ANO1: variants seen among roughly 807,000 people sequenced by gnomAD.
The protein encoded by ANO1 is anoctamin-1.
ANO1 carries 59 observed loss-of-function variants against 124.0 expected under a neutral mutation model. That is an observed-to-expected ratio of 0.48 (90% CI 0.39 to 0.59). ANO1 has a LOEUF of 0.59. Ranked by LOEUF, ANO1 falls within the 20% of genes least tolerant of loss-of-function variation. The pLI is 0.00. For missense variants in ANO1, 1,059 were observed against 1,328.0 expected, an observed-to-expected ratio of 0.80 and a Z score of 3.15; for synonymous variants, 529 against 532.0, an observed-to-expected ratio of 0.99 and a Z score of 0.08.
chr11:70,017,889 C>A (rs542450233), intron 1 of ANO1, among the ~76,000 whole-genome samples: 2 of 152,102 alleles, frequency 1.3e-5, no homozygotes, highest in African/African-American at 4.8e-5. Context: ...GGCTCATGGG[C>A]AGGTTCTAGC....
the ANO1 span, among the ~76,000 whole-genome samples, chr11:69,979,700 A>T: frequency 6.6e-6 from 1 of 152,114 alleles, no homozygotes; most frequent in Non-Finnish European, 1.5e-5. Flanking sequence ...TTTCCTCCAA[A>T]TGCAGCAGCC....
At chr11:70,056,219 C>G (rs1857432522) in intron 1 of ANO1, 1 of 151,948 alleles carries the variant, frequency 6.6e-6, no homozygotes, top group Non-Finnish European at 1.5e-5. Flanking sequence ...AATGAATTCT[C>G]TTAGTTTCTG....
intron 24 of ANO1, among the ~76,000 whole-genome samples, chr11:70,184,787 C>T (rs753172961): frequency 6.6e-6 from 1 of 152,124 alleles, no homozygotes; most frequent in Non-Finnish European, 1.5e-5. Flanking sequence ...CACTTTGTGG[C>T]CCAGGCTGAA....
At chr11:70,031,853 C>T (rs1857007124) in intron 1 of ANO1, among the ~76,000 whole-genome samples, 1 of 152,224 alleles carries the variant, frequency 6.6e-6, no homozygotes, top group Admixed American at 6.5e-5. Context: ...AGCAAGCCTC[C>T]TCTGGCATCA....
chr11:70,122,486 G>A (rs1202387388), intron 8 of ANO1, among the ~76,000 whole-genome samples: 2 of 119,696 alleles, frequency 1.7e-5, no homozygotes, highest in African/African-American at 3.4e-5. Context: ...ATCTGCCTCT[G>A]TCTCTGTCTC....
In ANO1 at chr11:70,185,362, G is replaced by A. The variant is rs769908221; in HGVS notation, c.2589-228G>A. Among the ~76,000 whole-genome samples the A allele has an allele frequency of 8.5e-5, 13 of 152,300 alleles. 1 individual carries two copies. In the South Asian group the frequency reaches 1.2e-3, roughly 15 times the overall value. ...GCCACATGTGTTTTACATGAAGCCC[G>A]TCAGGTCCTGCCTGGCCCATGGGGG... On this transcript the variant is annotated intron_variant, in intron 24 of 25. Transcript: ENST00000355303.
intron 22 of ANO1, among the ~76,000 whole-genome samples, chr11:70,174,920 A>AAAGAAAAGAAAAGAAAAG (rs142021717): frequency 2.0e-5 from 3 of 149,818 alleles, no homozygotes; most frequent in Non-Finnish European, 3.0e-5. Context: ...AAAGAAAAGA[A>AAAGAAAAGAAAAGAAAAG]AAAAGAAAAG....
chr11:70,097,372 A>G (rs1432171882), intron 2 of ANO1, among the ~76,000 whole-genome samples: 2 of 152,222 alleles, frequency 1.3e-5, no homozygotes, highest in Middle Eastern at 3.2e-3. Context: ...ACTGTGCTTC[A>G]TAGCAGTGTC....
chr11:70,186,352 G>GGA (rs2049120748), intron 25 of ANO1, among the ~76,000 whole-genome samples: 18 of 126,820 alleles, frequency 1.4e-4, no homozygotes, highest in African/African-American at 6.0e-4. Context: ...GAGGGGGAGG[G>GGA]AGGAAGGAAG....
chr11:70,167,106 C>A, intron 20 of ANO1, 136 bp from the exon 21 acceptor site: 1 of 1,124,480 alleles, frequency 8.9e-7, no homozygotes, highest in Non-Finnish European at 1.2e-6. Context: ...GAGACAGGGC[C>A]ACTGCACTCC....
At chr11:69,988,711 TA>T (rs1225157379) in intron 1 of ANO1, among the ~76,000 whole-genome samples, 3 of 152,196 alleles carry the variant, frequency 2.0e-5, no homozygotes, top group Non-Finnish European at 2.9e-5. Context: ...GCTACTTATT[TA>T]TACGCTTGTG....
At chr11:69,971,379 G>A in the ANO1 span, among the ~76,000 whole-genome samples, 1 of 152,266 alleles carries the variant, frequency 6.6e-6, no homozygotes, top group South Asian at 2.1e-4. Flanking sequence ...GTTCTCTGCT[G>A]TATCCTAGAA....
chr11:69,974,817 G>A, the ANO1 span, among the ~76,000 whole-genome samples: 1 of 151,356 alleles, frequency 6.6e-6, no homozygotes, highest in Admixed American at 6.6e-5. Context: ...TGTGGATCAG[G>A]ATTCCTGGCT....
At chr11:70,075,858 C>G (rs1555009954), upstream of ANO1, among the ~76,000 whole-genome samples, 1 of 152,164 alleles carries the variant, frequency 6.6e-6, no homozygotes, top group African/African-American at 2.4e-5. Flanking sequence ...CAAAAAGGAC[C>G]CTGTAAACTT....
chr11:70,099,348 G>A (rs1590727063), intron 2 of ANO1, among the ~76,000 whole-genome samples: 1 of 152,290 alleles, frequency 6.6e-6, no homozygotes, highest in African/African-American at 2.4e-5. Flanking sequence ...GTTTCCCTGG[G>A]AGAGACCCTG....
At chr11:70,158,800 G>A (rs1490283244) in intron 16 of ANO1, among the ~76,000 whole-genome samples, 1 of 151,462 alleles carries the variant, frequency 6.6e-6, no homozygotes, top group Non-Finnish European at 1.5e-5. Flanking sequence ...GGCCTCAGTG[G>A]TGGGGCCTGC....
At chr11:70,020,391 T>C (rs76560356) in intron 1 of ANO1, among the ~76,000 whole-genome samples, 9,418 of 152,108 alleles carry the variant, frequency 0.062, 412 homozygotes, top group Admixed American at 0.13. Context: ...ACAGGACACT[T>C]ATGCCACCCT....
intron 11 of ANO1, among the ~76,000 whole-genome samples, chr11:70,147,309 T>C (rs1335522594): frequency 6.6e-6 from 1 of 152,114 alleles, no homozygotes; most frequent in Non-Finnish European, 1.5e-5. Flanking sequence ...CCAAAGGACA[T>C]CTTCAAGGAG....
Position 70,188,429 on chromosome 11 carries a change from C to T in ANO1, c.*425C>T, listed in dbSNP as rs922497624. 1.9e-5 allele frequency: 3 copies of T among 161,826 alleles called. No homozygotes were observed. The highest frequency in any genetic ancestry group is 4.0e-5 in the Non-Finnish European group (3 of 74,718). The allele number at this position is 161,826 out of a possible 1,614,324, so 10.0% of individuals were successfully genotyped here. A position where few individuals can be genotyped will look rare whatever the true frequency, so the allele number is the denominator to read the frequency against. ...CCGAGGCATCGCGCAAAAGCTGGTG[C>T]GATGCTTCAGGGAAAATGGAAAACC... On this transcript the variant is annotated 3_prime_UTR_variant, in exon 26 of 26. Transcript: ENST00000355303.
Sources: gnomAD v4.1 joint callset for allele counts (sites outside exome capture counted in the v4.1 genomes callset) on GRCh38, gnomAD v4.1.1 for gene constraint, MANE v1.5 for transcripts, NCBI Gene and HGNC (gene_info 2026-07-23, HGNC 2026-07-21) for gene names.